The following RBFOX1 variants were observed in gnomAD, a reference collection of about 807,000 sequenced individuals.
RBFOX1 encodes the protein RNA binding protein fox-1 homolog 1.
RBFOX1 carries 8 observed loss-of-function variants against 57.7 expected under a neutral mutation model. The observed-to-expected ratio is 0.14, with a 90% confidence interval of 0.08 to 0.25. RBFOX1 has a LOEUF of 0.25. Ranked by LOEUF, RBFOX1 falls within the 10% of genes least tolerant of loss-of-function variation. The probability of loss-of-function intolerance (pLI) is 1.00; values close to 1 mark genes in which losing one functional copy is unlikely to be tolerated. For synonymous variants in RBFOX1, 326 were observed against 222.4 expected, an observed-to-expected ratio of 1.47 and a Z score of -4.15; for missense variants, 611 against 548.5, an observed-to-expected ratio of 1.11 and a Z score of -1.14.
intron 2 of RBFOX1, among the ~76,000 whole-genome samples, chr16:6,548,026 T>C (rs557625851): frequency 4.6e-5 from 7 of 152,302 alleles, no homozygotes; most frequent in South Asian, 2.1e-4. Flanking sequence ...ATTTTCTTAT[T>C]GACAAGCTCA....
chr16:5,261,695 G>A (rs915414564), intron 1 of RBFOX1, among the ~76,000 whole-genome samples: 21 of 151,894 alleles, frequency 1.4e-4, no homozygotes, highest in African/African-American at 4.4e-4. Flanking sequence ...GACTACAGGC[G>A]CCTGCCACCA....
At chr16:6,984,340 A>G (rs1413278751) in intron 3 of RBFOX1, among the ~76,000 whole-genome samples, 3 of 152,172 alleles carry the variant, frequency 2.0e-5, no homozygotes, top group Admixed American at 6.5e-5. Flanking sequence ...ATATGATGGT[A>G]TCAATGTCAC....
At chr16:5,784,962 C>T (rs1164584370) in intron 3 of RBFOX1, among the ~76,000 whole-genome samples, 1 of 152,170 alleles carries the variant, frequency 6.6e-6, no homozygotes, top group African/African-American at 2.4e-5. Flanking sequence ...TTTGTCATAG[C>T]AGCCCAAACA....
intron 3 of RBFOX1, among the ~76,000 whole-genome samples, chr16:6,674,776 A>G (rs1023714792): frequency 6.6e-6 from 1 of 152,362 alleles, no homozygotes; most frequent in East Asian, 1.9e-4. Context: ...ACAAGAGGCA[A>G]GGAAGGATTC....
chr16:6,708,964 A>G (rs1395595022), intron 3 of RBFOX1, among the ~76,000 whole-genome samples: 1 of 150,006 alleles, frequency 6.7e-6, no homozygotes, highest in Non-Finnish European at 1.5e-5. Context: ...TGGCTGGTTA[A>G]TTTCAGCAAG....
intron 3 of RBFOX1, among the ~76,000 whole-genome samples, chr16:6,719,525 C>G (rs2065517847): frequency 1.3e-5 from 2 of 151,662 alleles, no homozygotes; most frequent in South Asian, 2.1e-4. Context: ...ACTGTTAGCT[C>G]CACCTCCTGG....
At chr16:6,992,361 G>C (rs958949079) in intron 3 of RBFOX1, among the ~76,000 whole-genome samples, 17 of 152,022 alleles carry the variant, frequency 1.1e-4, no homozygotes, top group African/African-American at 3.9e-4. Context: ...GGGACTACAG[G>C]TACCCACCAC....
At chr16:7,307,590 T>A (rs1228077989) in intron 4 of RBFOX1, among the ~76,000 whole-genome samples, 1 of 152,252 alleles carries the variant, frequency 6.6e-6, no homozygotes, top group Non-Finnish European at 1.5e-5. Context: ...ATTTCTTTTC[T>A]TTTCTCCTTC....
chr16:7,002,640 A>C (rs1463487157), intron 3 of RBFOX1, among the ~76,000 whole-genome samples: 4 of 152,164 alleles, frequency 2.6e-5, no homozygotes, highest in African/African-American at 7.2e-5. Flanking sequence ...TGAACCTGGG[A>C]GGCAGAGGTT....
chr16:7,121,588 T>C (rs2067196195), intron 4 of RBFOX1, among the ~76,000 whole-genome samples: 1 of 152,046 alleles, frequency 6.6e-6, no homozygotes. Flanking sequence ...TATACATAGA[T>C]TCAAAGACTC....
intron 3 of RBFOX1, among the ~76,000 whole-genome samples, chr16:6,898,931 GTA>G (rs1286018036): frequency 2.6e-5 from 4 of 151,382 alleles, no homozygotes; most frequent in African/African-American, 4.9e-5. Flanking sequence ...GTATATGTGT[GTA>G]TGTGTGTATA....
chr16:6,234,759 G>T (rs1467501599), intron 1 of RBFOX1, among the ~76,000 whole-genome samples: 1 of 152,110 alleles, frequency 6.6e-6, no homozygotes, highest in Non-Finnish European at 1.5e-5. Context: ...GATTTTGGTT[G>T]AGGTTACATG....
rs1014595328 is a variant in RBFOX1 at position 7,581,097 on chromosome 16, G to A, written c.414+1177G>A. Among the ~76,000 whole-genome samples the A allele has an allele frequency of 2.1e-4, 32 of 152,074 alleles. 1 individual carries two copies. The highest frequency in any genetic ancestry group is 1.4e-3 in the Admixed American group (22 of 15,260). Reference sequence around the variant, plus strand: ...TGCACCTTTTACTTCTTATACACACGTGATGCTTATCAAGTATGCATCTGA... The same window carrying A: ...TGCACCTTTTACTTCTTATACACACATGATGCTTATCAAGTATGCATCTGA... On this transcript the variant is annotated intron_variant, in intron 6 of 15. Coordinates refer to ENST00000550418, the MANE Select transcript of RBFOX1 (RefSeq NM_018723.4).
chr16:5,874,485 T>G (rs1008004793), intron 4 of RBFOX1, among the ~76,000 whole-genome samples: 1 of 152,092 alleles, frequency 6.6e-6, no homozygotes, highest in East Asian at 1.9e-4. Context: ...TGGTACTGAT[T>G]GGACTGAGCA....
intron 3 of RBFOX1, among the ~76,000 whole-genome samples, chr16:5,695,838 T>G (rs114646423): frequency 0.011 from 1,661 of 152,308 alleles, 28 homozygotes; most frequent in African/African-American, 0.038. Context: ...GTAATAGATA[T>G]GTTAATTTGC....
At chr16:6,886,084 A>G (rs912622931) in intron 3 of RBFOX1, among the ~76,000 whole-genome samples, 6 of 140,998 alleles carry the variant, frequency 4.3e-5, no homozygotes, top group African/African-American at 1.4e-4. Context: ...TTTTTTTGAG[A>G]CGGAGTCTCG....
At chr16:6,260,669 C>T (rs13329865) in intron 1 of RBFOX1, among the ~76,000 whole-genome samples, 3,841 of 152,054 alleles carry the variant, frequency 0.025, 107 homozygotes, top group African/African-American at 0.069. Flanking sequence ...CTTGAGGTCA[C>T]GAGTTTGAGG....
intron 3 of RBFOX1, among the ~76,000 whole-genome samples, chr16:6,656,385 C>T (rs547416954): frequency 2.0e-5 from 3 of 152,228 alleles, no homozygotes; most frequent in East Asian, 1.9e-4. Context: ...AGCTCCATCA[C>T]GCACAAGGTA....
At chr16:6,831,702 T>A (rs7205930) in intron 3 of RBFOX1, among the ~76,000 whole-genome samples, 9,161 of 152,258 alleles carry the variant, frequency 0.06, 416 homozygotes, top group Non-Finnish European at 0.098. Flanking sequence ...TTTTAACTCT[T>A]TGCCCCTTCC....
Sources: allele counts gnomAD v4.1 joint callset (sites outside exome capture counted in the v4.1 genomes callset), GRCh38; gene constraint gnomAD v4.1.1; transcripts MANE v1.5; gene names NCBI Gene and HGNC (gene_info 2026-07-23, HGNC 2026-07-21).